Variants in COL4A1 observed in about 807,000 individuals in gnomAD.
COL4A1 encodes the protein collagen type IV alpha 1 chain, also known as collagen alpha-1(IV) chain.
Under a neutral mutation model 216.6 loss-of-function variants are expected in COL4A1, and 40 were observed. The observed-to-expected ratio is 0.18, with a 90% CI of 0.14 to 0.24. The LOEUF (loss-of-function observed/expected upper bound fraction) is 0.24, where lower values mean the gene tolerates loss of function less well. Among genes scored for constraint, COL4A1 ranks in the 10% least tolerant of loss-of-function variants. COL4A1 has a pLI of 1.00. For missense variants in COL4A1, 1,628 were observed against 2,196.8 expected (o/e 0.74, Z 5.18); for synonymous variants, 839 against 810.7 (o/e 1.03, Z -0.59).
intron 29 of COL4A1, among the ~76,000 whole-genome samples, chr13:110,179,963 G>C (rs1878071116): frequency 6.6e-6 from 1 of 152,164 alleles, no homozygotes; most frequent in Non-Finnish European, 1.5e-5. Flanking sequence ...AAGGGTGAAG[G>C]TGCCTTGGAA....
At chr13:110,170,394 G>A (rs965878473) in intron 42 of COL4A1, among the ~76,000 whole-genome samples, 153 bp downstream of exon 42, 2 of 152,260 alleles carry the variant, frequency 1.3e-5, no homozygotes, top group African/African-American at 4.8e-5. Flanking sequence ...GCTTTGACTC[G>A]ATGGGGGCCA....
chr13:110,230,793 G>A (rs77181539), intron 2 of COL4A1, among the ~76,000 whole-genome samples: 1 of 152,258 alleles, frequency 6.6e-6, no homozygotes, highest in Admixed American at 6.5e-5. Flanking sequence ...ACGGTCTCCT[G>A]TGAAGAAATG....
intron 2 of COL4A1, among the ~76,000 whole-genome samples, chr13:110,226,784 A>G (rs899210323): frequency 6.6e-6 from 1 of 152,258 alleles, no homozygotes; most frequent in Non-Finnish European, 1.5e-5. Context: ...TCACCCAAAG[A>G]AAGAAATTAA....
In COL4A1 at chr13:110,170,605, G is replaced by C; in HGVS notation, c.3684C>G (p.Gly1228=). ...QGQPGLPGSP[G]HATEGPKGDR... ...CTCCTTTGGGCCCCTCCGTGGCATGGCCTGGGGATCCCGGTAACCCCGGCT... is the reference window on the plus strand; with the variant it reads ...CTCCTTTGGGCCCCTCCGTGGCATGCCCTGGGGATCCCGGTAACCCCGGCT... The change falls in exon 42 of 52, where the codon GGC becomes GGG. Residue 1228 remains glycine, a synonymous_variant. Transcript: ENST00000375820. 1 of 1,611,636 alleles carries C rather than the reference G, an allele frequency of 6.2e-7. No individual in the cohort carries two copies. The highest frequency in any genetic ancestry group is 2.2e-5 in the East Asian group (1 of 44,864).
At chr13:110,256,751 G>T (rs1882593794) in intron 1 of COL4A1, among the ~76,000 whole-genome samples, 1 of 151,970 alleles carries the variant, frequency 6.6e-6, no homozygotes, top group Non-Finnish European at 1.5e-5. Context: ...CGGCGGGGGG[G>T]TCTATCCGAT....
In COL4A1 at chr13:110,181,374, G is replaced by T. The variant is rs1428497686; in HGVS notation, c.2111C>A (p.Pro704His). Residue 704 changes from proline (P) to histidine (H), a missense_variant, in exon 29 of 52, where the codon CCT becomes CAT. Physicochemically the swap from Pro to His is moderately conservative, Grantham distance 77. Coordinates refer to ENST00000375820, the MANE Select transcript of COL4A1 (RefSeq NM_001845.6). ...PPGPKGVDGL[P>H]GDMGPPGTPG... ...AGTCCCCGGTGGCCCCATGTCTCCA[G>T]GTAAGCCGTCAACACCTGTTTTAAA... 1.9e-6 allele frequency: 3 copies of T among 1,613,472 alleles called. No homozygotes were observed. The highest frequency in any genetic ancestry group is 2.5e-6 in the Non-Finnish European group (3 of 1,179,760).
intron 1 of COL4A1, among the ~76,000 whole-genome samples, chr13:110,254,366 T>A (rs984974727): frequency 3.3e-5 from 5 of 152,188 alleles, no homozygotes; most frequent in Non-Finnish European, 7.3e-5. Context: ...CTTTGAAGCA[T>A]ATCATGAGGG....
chr13:110,281,960 C>A (rs567572453), intron 1 of COL4A1, among the ~76,000 whole-genome samples: 125 of 152,338 alleles, frequency 8.2e-4, no homozygotes, highest in African/African-American at 2.9e-3. Context: ...GCCTGAAACA[C>A]AACAGCTCCC....
At chr13:110,191,640 G>GA in intron 24 of COL4A1, 1 of 687,390 alleles carries the variant, frequency 1.5e-6, no homozygotes, top group Non-Finnish European at 2.6e-6. Context: ...TTATGGATTT[G>GA]AAAAAGCAAC....
chr13:110,166,781 C>G (rs896414157), intron 44 of COL4A1, among the ~76,000 whole-genome samples: 1 of 152,132 alleles, frequency 6.6e-6, no homozygotes, highest in Non-Finnish European at 1.5e-5. Context: ...CTTGAGGCTG[C>G]GACCTGTTTT....
At chr13:110,226,997 T>C (rs1361739086) in intron 2 of COL4A1, among the ~76,000 whole-genome samples, 1 of 152,232 alleles carries the variant, frequency 6.6e-6, no homozygotes, top group Non-Finnish European at 1.5e-5. Flanking sequence ...TTCATAAAGT[T>C]GGCAAGCCTG....
At chr13:110,189,576 G>T (rs1242100965) in intron 24 of COL4A1, among the ~76,000 whole-genome samples, 1 of 152,160 alleles carries the variant, frequency 6.6e-6, no homozygotes, top group Non-Finnish European at 1.5e-5. Flanking sequence ...ATTTGCTCTG[G>T]GTCCCAGGAA....
At chr13:110,186,317 CA>C in intron 26 of COL4A1, 67 bp downstream of exon 26, 1 of 1,598,702 alleles carries the variant, frequency 6.3e-7, no homozygotes, top group Admixed American at 1.7e-5. Context: ...CCTCTGTGTG[CA>C]CCCGAGGTGC....
At chr13:110,235,514 G>A (rs912570774) in intron 2 of COL4A1, among the ~76,000 whole-genome samples, 1 of 152,072 alleles carries the variant, frequency 6.6e-6, no homozygotes, top group East Asian at 1.9e-4. Context: ...AGCCTGGCAT[G>A]GTGGCGGGTG....
At position 110,200,978 on chromosome 13, in the gene COL4A1, T is replaced by C. The variant is rs562079396; in HGVS notation, c.1085-89A>G. On this transcript the variant is annotated intron_variant, in intron 19 of 51. Coordinates refer to ENST00000375820, the MANE Select transcript of COL4A1 (RefSeq NM_001845.6). ...TTTCTCTACTGAAAGCCTTGCTTGGTGCATTGGTAAGTGTCCATGGCCAAA... is the reference window on the plus strand; with the variant it reads ...TTTCTCTACTGAAAGCCTTGCTTGGCGCATTGGTAAGTGTCCATGGCCAAA... 20 of 1,438,456 alleles carry C rather than the reference T, an allele frequency of 1.4e-5. No individual in the cohort carries two copies. In the African/African-American group the frequency reaches 2.4e-4, roughly 17 times the overall value. 89.1% of individuals were successfully genotyped at this position (1,438,456 alleles called of 1,614,324 possible). A position where few individuals can be genotyped will look rare whatever the true frequency, so the allele number is the denominator to read the frequency against.
At chr13:110,221,191 A>G (rs759568057) in intron 2 of COL4A1, among the ~76,000 whole-genome samples, 159 of 152,352 alleles carry the variant, frequency 1.0e-3, no homozygotes, top group Non-Finnish European at 1.7e-3. Context: ...CACTCAAGTC[A>G]TATGTAATCC....
chr13:110,203,311 T>C (rs1879330126), intron 18 of COL4A1, among the ~76,000 whole-genome samples: 1 of 152,132 alleles, frequency 6.6e-6, no homozygotes, highest in Non-Finnish European at 1.5e-5. Flanking sequence ...TATCAAAATA[T>C]AATAAAAATA....
At chr13:110,193,669 C>T (rs552261419) in intron 22 of COL4A1, among the ~76,000 whole-genome samples, 4 of 152,366 alleles carry the variant, frequency 2.6e-5, no homozygotes, top group African/African-American at 4.8e-5. Flanking sequence ...GGCTGGCAGC[C>T]GCACACGGGC....
chr13:110,306,869 G>C, intron 1 of COL4A1, 75 bp downstream of exon 1: 1 of 1,347,548 alleles, frequency 7.4e-7, no homozygotes, highest in Middle Eastern at 2.6e-4. Flanking sequence ...ACGGGTCCAG[G>C]CGCGGACAAA....
Sources: gnomAD v4.1 joint callset for allele counts (sites outside exome capture counted in the v4.1 genomes callset) on GRCh38, gnomAD v4.1.1 for gene constraint, MANE v1.5 for transcripts, NCBI Gene and HGNC (gene_info 2026-07-23, HGNC 2026-07-21) for gene names.